CEP63: variants seen among roughly 807,000 people sequenced by gnomAD.
CEP63 encodes the protein centrosomal protein 63, also known as centrosomal protein of 63 kDa.
A neutral mutation model predicts 89.1 loss-of-function variants in CEP63; 84 were observed. The observed-to-expected ratio is 0.94, with a 90% CI of 0.79 to 1.13. The LOEUF (loss-of-function observed/expected upper bound fraction) is 1.13, where lower values mean the gene tolerates loss of function less well. CEP63 is among the 50% of genes most tolerant of loss of function. The pLI is 0.00. For synonymous variants in CEP63, 267 were observed against 272.5 expected (o/e 0.98, Z 0.20); for missense variants, 838 against 813.3 (o/e 1.03, Z -0.37).
chr3:134,610,354 G>A, the CEP63 span: 3 of 1,613,612 alleles, frequency 1.9e-6, no homozygotes, highest in Non-Finnish European at 2.5e-6. Flanking sequence ...GGAGTAGCCA[G>A]GCACGGTCAT....
rs1957687085 is a variant in CEP63 at position 134,564,980 on chromosome 3, A to G, written c.*3445A>G. On this transcript the variant is annotated 3_prime_UTR_variant, in exon 15 of 15. Coordinates refer to ENST00000675561, the MANE Select transcript of CEP63 (RefSeq NM_001353108.3). ...TTTGACTGTAATTTAATGTCTCACC[A>G]TTTTTCAAAAAGATATATTAATACC... 1 of 976,292 alleles carries G rather than the reference A, an allele frequency of 1.0e-6. No homozygotes were observed. Among genetic ancestry groups the G allele is most frequent in the African/African-American group, 1.8e-5 (1 of 57,012 alleles). The allele number at this position is 976,292 out of a possible 1,614,324, so 60.5% of individuals were successfully genotyped here.
intron 3 of CEP63, chr3:134,510,509 C>CT (rs1258168348): frequency 1.9e-5 from 7 of 370,154 alleles, no homozygotes; most frequent in Non-Finnish European, 3.1e-5. Context: ...ATATATGTGC[C>CT]TTTTTTCTGG....
chr3:134,608,302 G>A, the CEP63 span: 1 of 1,230,516 alleles, frequency 8.1e-7, no homozygotes, highest in East Asian at 5.1e-5. Context: ...GACTCACCCA[G>A]CTAGGAAGTG....
the CEP63 span, among the ~76,000 whole-genome samples, chr3:134,637,422 T>G: frequency 6.6e-6 from 1 of 152,164 alleles, no homozygotes; most frequent in East Asian, 1.9e-4. Flanking sequence ...AAAAATGAAT[T>G]GAGAAACATG....
chr3:134,617,495 A>G, the CEP63 span, among the ~76,000 whole-genome samples: 1 of 152,196 alleles, frequency 6.6e-6, no homozygotes, highest in African/African-American at 2.4e-5. Flanking sequence ...GATGTATGAC[A>G]ACAACCGAGC....
the CEP63 span, among the ~76,000 whole-genome samples, chr3:134,750,692 A>G: frequency 6.6e-6 from 1 of 152,166 alleles, no homozygotes; most frequent in African/African-American, 2.4e-5. Flanking sequence ...CAAGCCATGT[A>G]TTGATCCTCT....
the CEP63 span, among the ~76,000 whole-genome samples, chr3:134,626,618 A>G: frequency 6.6e-6 from 1 of 152,124 alleles, no homozygotes; most frequent in Non-Finnish European, 1.5e-5. Context: ...ATCTGGTGCT[A>G]TTAGACCTGA....
chr3:134,519,808 A>T (rs1361690116), intron 3 of CEP63, among the ~76,000 whole-genome samples: 3 of 152,210 alleles, frequency 2.0e-5, no homozygotes, highest in Admixed American at 6.5e-5. Flanking sequence ...AATTCATCAT[A>T]TTATCAGAGG....
At chr3:134,700,755 G>C in the CEP63 span, among the ~76,000 whole-genome samples, 1 of 152,074 alleles carries the variant, frequency 6.6e-6, no homozygotes, top group African/African-American at 2.4e-5. Context: ...AGGTCTCACT[G>C]TCTCTTAGGT....
intron 2 of CEP63, among the ~76,000 whole-genome samples, chr3:134,498,218 A>G (rs997256465): frequency 4.0e-5 from 6 of 151,502 alleles, no homozygotes; most frequent in Admixed American, 6.6e-5. Context: ...TTTCATTTGT[A>G]TCTTCAATTT....
the CEP63 span, among the ~76,000 whole-genome samples, chr3:134,660,759 T>A: frequency 2.6e-5 from 4 of 152,168 alleles, no homozygotes; most frequent in African/African-American, 9.7e-5. Context: ...CAAAGCAGAC[T>A]GGGAAGTGAA....
chr3:134,738,527 A>G, the CEP63 span, among the ~76,000 whole-genome samples: 11 of 152,218 alleles, frequency 7.2e-5, no homozygotes, highest in African/African-American at 2.4e-4. Context: ...AATGGAAAAC[A>G]AAATATCATA....
chr3:134,620,838 A>C, the CEP63 span: 1 of 1,612,400 alleles, frequency 6.2e-7, no homozygotes, highest in South Asian at 1.1e-5. Flanking sequence ...CAGTTCGTCT[A>C]GGCCACTCTT....
intron 1 of CEP63, among the ~76,000 whole-genome samples, chr3:134,487,302 T>A (rs1262423663): frequency 6.6e-6 from 1 of 152,228 alleles, no homozygotes; most frequent in East Asian, 1.9e-4. Flanking sequence ...GCTTTTTGAC[T>A]GTGGCATTAT....
At chr3:134,610,267 C>G in the CEP63 span, 8 of 1,613,974 alleles carry the variant, frequency 5.0e-6, no homozygotes, top group African/African-American at 1.1e-4. Flanking sequence ...GTGCCATCTT[C>G]CCTCCAGGTA....
chr3:134,689,079 T>G, the CEP63 span, among the ~76,000 whole-genome samples: 2,150 of 152,296 alleles, frequency 0.014, 21 homozygotes, highest in South Asian at 0.026. Context: ...CTCCAGCTTG[T>G]GTATGAAATG....
the CEP63 span, among the ~76,000 whole-genome samples, chr3:134,634,627 A>G: frequency 6.6e-6 from 1 of 152,252 alleles, no homozygotes; most frequent in African/African-American, 2.4e-5. Flanking sequence ...ATCTATTAGA[A>G]GAGCAACAAT....
At chr3:134,512,019 T>C (rs1057044615) in intron 3 of CEP63, among the ~76,000 whole-genome samples, 6 of 152,200 alleles carry the variant, frequency 3.9e-5, no homozygotes, top group Non-Finnish European at 7.3e-5. Flanking sequence ...ATGTAAATCA[T>C]TGTAGAGAGC....
At chr3:134,547,604 G>GGTTTTATTTTTTTT in intron 9 of CEP63, 132 bp downstream of exon 9, 2 of 178,988 alleles carry the variant, frequency 1.1e-5, no homozygotes, top group South Asian at 5.2e-5. Context: ...AATGGCCTAA[G>GGTTTTATTTTTTTT]TTCTTATTTC....
Sources: gnomAD v4.1 joint callset for allele counts (sites outside exome capture counted in the v4.1 genomes callset) on GRCh38, gnomAD v4.1.1 for gene constraint, MANE v1.5 for transcripts, NCBI Gene and HGNC (gene_info 2026-07-23, HGNC 2026-07-21) for gene names.